Variants in POLR3C observed in about 807,000 individuals in gnomAD.
POLR3C encodes DNA-directed RNA polymerase III subunit RPC3.
In POLR3C, 44 loss-of-function variants were observed where a neutral mutation model predicts 65.9. That is an observed-to-expected ratio of 0.67 (90% CI 0.52 to 0.86). The LOEUF is 0.86. Ranked by LOEUF, POLR3C falls within the 40% of genes least tolerant of loss-of-function variation. POLR3C has a pLI of 0.00. For synonymous variants in POLR3C, 263 were observed against 231.6 expected (o/e 1.14, Z -1.23); for missense variants, 576 against 653.2 (o/e 0.88, Z 1.29).
Position 145,837,517 on chromosome 1 carries a change from CT to C in POLR3C, c.1010-17del. ...CTAGGCCAAAACATTACTGAGTGAC[CT>C]TAATTCTCTACATAAAGACCTCCAT... On this transcript the variant is annotated intron_variant, in intron 9 of 14. Coordinates refer to ENST00000334163, the MANE Select transcript of POLR3C (RefSeq NM_006468.8). 6.7e-7 allele frequency: 1 copy of C among 1,488,610 alleles called. No individual in the cohort carries two copies. Among genetic ancestry groups the C allele is most frequent in the Non-Finnish European group, 9.2e-7 (1 of 1,085,308 alleles). The allele number at this position is 1,488,610 out of a possible 1,614,324, so 92.2% of individuals were successfully genotyped here.
chr1:145,826,303 T>G (rs1215489295), intron 2 of POLR3C, 151 bp from the exon 3 acceptor site: 1 of 633,940 alleles, frequency 1.6e-6, no homozygotes, highest in Non-Finnish European at 2.8e-6. Context: ...GTGTGATTCT[T>G]ATTAGCTCCT....
intron 7 of POLR3C, 98 bp downstream of exon 7, chr1:145,833,680 T>A (rs1570736444): frequency 1.2e-6 from 1 of 801,844 alleles, no homozygotes; most frequent in South Asian, 1.5e-5. Flanking sequence ...GGTCTGAGCC[T>A]TGAAAGAGAA....
Position 145,826,937 on chromosome 1 carries a change from C to G in POLR3C, c.521C>G (p.Pro174Arg). 1.2e-6 allele frequency: 2 copies of G among 1,613,454 alleles called. No homozygotes were observed. Among genetic ancestry groups the G allele is most frequent in the Non-Finnish European group, 1.7e-6 (2 of 1,179,796 alleles). Reference sequence around the variant, plus strand: ...ACTGAGAATTCAGACCCTGGGCCACCACCACCTGCCCCCACACTTGTCATT... The same window carrying G: ...ACTGAGAATTCAGACCCTGGGCCACGACCACCTGCCCCCACACTTGTCATT... ...PTTENSDPGP[P>R]PPAPTLVINE... Residue 174 changes from proline (P) to arginine (R), a missense_variant, in exon 4 of 15, where the codon CCA (proline) becomes CGA (arginine). Physicochemically the swap from Pro to Arg is moderately radical, Grantham distance 103. Transcript: ENST00000334163.
At chr1:145,825,551 A>T (rs1391191810) in intron 1 of POLR3C, among the ~76,000 whole-genome samples, 1 of 152,214 alleles carries the variant, frequency 6.6e-6, no homozygotes, top group Non-Finnish European at 1.5e-5. Context: ...AAAGAGAACT[A>T]ATGACTTCAT....
intron 4 of POLR3C, 63 bp downstream of exon 4, chr1:145,827,068 A>G (rs1650821855): frequency 4.9e-6 from 6 of 1,229,902 alleles, no homozygotes; most frequent in South Asian, 3.8e-5. Flanking sequence ...TTGATTGTCA[A>G]GTGTATGAAA....
intron 11 of POLR3C, among the ~76,000 whole-genome samples, chr1:145,839,090 GT>G (rs1652086584): frequency 6.6e-6 from 1 of 152,100 alleles, no homozygotes; most frequent in South Asian, 2.1e-4. Context: ...GGCCAACCTG[GT>G]GAAACCCTGT....
intron 7 of POLR3C, 73 bp downstream of exon 7, chr1:145,833,655 C>G (rs967964830): frequency 2.9e-6 from 3 of 1,021,940 alleles, no homozygotes; most frequent in Admixed American, 1.7e-5. Flanking sequence ...TACACAGATC[C>G]TGAGTTTGGG....
At chr1:145,837,034 T>C (rs587708772) in intron 9 of POLR3C, among the ~76,000 whole-genome samples, 168 bp downstream of exon 9, 35 of 152,258 alleles carry the variant, frequency 2.3e-4, no homozygotes, top group Admixed American at 2.1e-3. Flanking sequence ...GCATTGATGA[T>C]GAAGTAAAAA....
intron 14 of POLR3C, among the ~76,000 whole-genome samples, chr1:145,841,653 G>A (rs1652302451): frequency 6.6e-6 from 1 of 152,092 alleles, no homozygotes; most frequent in Non-Finnish European, 1.5e-5. Flanking sequence ...TTGGTGTTGT[G>A]ATTTTGTATC....
chr1:145,840,247 A>T (rs1416122425), intron 13 of POLR3C, 82 bp downstream of exon 13: 9 of 892,570 alleles, frequency 1.0e-5, no homozygotes, highest in Non-Finnish European at 1.7e-5. Flanking sequence ...AATAGGAATC[A>T]ATAGACGCTG....
At position 145,842,534 on chromosome 1, in the gene POLR3C, C is replaced by G. The variant is rs1486840211; in HGVS notation, c.*114C>G. On this transcript the variant is annotated 3_prime_UTR_variant, in exon 15 of 15. Transcript: ENST00000334163. The stretch of plus-strand genomic sequence containing the variant: ...GTCGCAGAGTCTTCAACTAAACCCC[C>G]CTCTCTATCCCCTGCAGCCCAGGAT... The G allele has an allele frequency of 5.3e-6, 4 of 758,838 alleles. No individual in the cohort carries two copies. In the Admixed American group the frequency reaches 7.5e-5, roughly 14 times the overall value. The allele number at this position is 758,838 out of a possible 1,614,324, so 47.0% of individuals were successfully genotyped here.
chr1:145,829,747 CT>C (rs1339030504), intron 5 of POLR3C, among the ~76,000 whole-genome samples: 1 of 152,162 alleles, frequency 6.6e-6, no homozygotes, highest in African/African-American at 2.4e-5. Flanking sequence ...ATGTCAAACT[CT>C]TTCTGGTCTT....
In POLR3C at chr1:145,843,664, TAGA is replaced by T. The variant is rs1553731314; in HGVS notation, c.*1248_*1250del. On this transcript the variant is annotated 3_prime_UTR_variant, in exon 15 of 15. Transcript: ENST00000334163. Reference sequence around the variant, plus strand: ...CCAGGAAGTATTAGGGGTGCTACAGTAGAAGAGTAAACACTATGTACAGAGAGG... The same window carrying T: ...CCAGGAAGTATTAGGGGTGCTACAGTAGAGTAAACACTATGTACAGAGAGG... Among the ~76,000 whole-genome samples the T allele has an allele frequency of 6.6e-6, 1 of 151,980 alleles. No homozygotes were observed. The highest frequency in any genetic ancestry group is 2.4e-5 in the African/African-American group (1 of 41,374).
Position 145,826,836 on chromosome 1 carries a change from C to A in POLR3C, c.420C>A (p.Asp140Glu). 2 of 1,610,244 alleles carry A rather than the reference C, an allele frequency of 1.2e-6. No homozygotes were observed. Among genetic ancestry groups the A allele is most frequent in the Admixed American group, 3.4e-5 (2 of 59,506 alleles). The change falls in exon 4 of 15, where the codon GAC (aspartate) becomes GAA (glutamate). Residue 140 changes from aspartate (D) to glutamate (E), a missense_variant. Physicochemically the swap from Asp to Glu is conservative, Grantham distance 45. Coordinates refer to ENST00000334163, the MANE Select transcript of POLR3C (RefSeq NM_006468.8). Reference sequence around the variant, plus strand: ...GTTATACAGATGGCAAGACCATGGACTATGCTGAAGTATCAAACACATTTG... The same window carrying A: ...GTTATACAGATGGCAAGACCATGGAATATGCTGAAGTATCAAACACATTTG... ...TETMEDGKTM[D>E]YAEVSNTFVR...
chr1:145,827,683 C>T (rs1650889318), intron 4 of POLR3C, among the ~76,000 whole-genome samples: 2 of 149,052 alleles, frequency 1.3e-5, no homozygotes, highest in South Asian at 2.1e-4. Flanking sequence ...AGCATGAACC[C>T]GGGAAGCGGA....
intron 1 of POLR3C, among the ~76,000 whole-genome samples, chr1:145,824,968 G>C (rs925465139): frequency 6.6e-6 from 1 of 152,010 alleles, no homozygotes; most frequent in African/African-American, 2.4e-5. Flanking sequence ...AGGAAAATCA[G>C]AATCACGCAT....
Position 145,842,512 on chromosome 1 carries a change from G to C in POLR3C, c.*92G>C, listed in dbSNP as rs587755528. 1 of 866,726 alleles carries C rather than the reference G, an allele frequency of 1.2e-6. No individual in the cohort carries two copies. Among genetic ancestry groups the C allele is most frequent in the African/African-American group, 1.6e-5 (1 of 61,086 alleles). The allele number at this position is 866,726 out of a possible 1,614,324, so 53.7% of individuals were successfully genotyped here. On this transcript the variant is annotated 3_prime_UTR_variant, in exon 15 of 15. Transcript: ENST00000334163. Reference sequence around the variant, plus strand: ...TGCATTATTTGCAGTGGGATAAGTCGCAGAGTCTTCAACTAAACCCCCCTC... The same window carrying C: ...TGCATTATTTGCAGTGGGATAAGTCCCAGAGTCTTCAACTAAACCCCCCTC...
rs1652241667 is a variant in POLR3C at position 145,840,943 on chromosome 1, G to A, written c.1395G>A (p.Gln465=). The A allele has an allele frequency of 6.2e-7, 1 of 1,613,104 alleles. No homozygotes were observed. The highest frequency in any genetic ancestry group is 1.3e-5 in the African/African-American group (1 of 74,902). ...KENKRLLEKS[Q]RVEAIIASMQ... ...ACAGGCGTCTACTAGAAAAATCTCA[G>A]AGGGTAGAAGCCATCATTGCATCTA... The change falls in exon 14 of 15, where the codon CAG becomes CAA. Residue 465 remains glutamine (Q), a synonymous_variant. Coordinates refer to ENST00000334163, the MANE Select transcript of POLR3C (RefSeq NM_006468.8).
chr1:145,833,184 G>A, intron 5 of POLR3C, 76 bp from the exon 6 acceptor site: 2 of 813,432 alleles, frequency 2.5e-6, no homozygotes, highest in East Asian at 4.9e-5. Flanking sequence ...AAAAGAAATG[G>A]TGAACCATTA....
Sources: gnomAD v4.1 joint callset for allele counts (sites outside exome capture counted in the v4.1 genomes callset) on GRCh38, gnomAD v4.1.1 for gene constraint, MANE v1.5 for transcripts, NCBI Gene and HGNC (gene_info 2026-07-23, HGNC 2026-07-21) for gene names.